The following PTPRT variants were observed in gnomAD, a reference collection of about 807,000 sequenced individuals.
PTPRT encodes protein tyrosine phosphatase receptor type T.
A neutral mutation model predicts 176.8 loss-of-function variants in PTPRT; 56 were observed. That is an observed-to-expected ratio of 0.32 (90% CI 0.26 to 0.40). The LOEUF (loss-of-function observed/expected upper bound fraction) is 0.40, where lower values mean the gene tolerates loss of function less well. PTPRT is among the 10% of genes least tolerant of loss of function. The pLI is 1.00. For synonymous variants in PTPRT, 783 were observed against 739.0 expected, an observed-to-expected ratio of 1.06 and a Z score of -0.96; for missense variants, 1,540 against 1,908.2, an observed-to-expected ratio of 0.81 and a Z score of 3.60.
intron 18 of PTPRT, among the ~76,000 whole-genome samples, chr20:42,133,523 C>T (rs1988229021): frequency 6.6e-6 from 1 of 152,098 alleles, no homozygotes; most frequent in African/African-American, 2.4e-5. Context: ...TCAGTAGTTT[C>T]CAGGGGCTTG....
Position 43,149,031 on chromosome 20 carries a change from A to G in PTPRT, c.88+40615T>C, listed in dbSNP as rs1479333126. ...GGGGGAAAGAAAAAAATCTAGATCC[A>G]TGTTCTGTTGGAATGCAGCTTGCTC... On this transcript the variant is annotated intron_variant, in intron 1 of 30. Transcript: ENST00000373187. 2.0e-5 allele frequency among the ~76,000 whole-genome samples: 3 copies of G among 152,228 alleles called. No homozygotes were observed. The East Asian group carries it at 5.8e-4, about 29-fold the overall frequency.
At chr20:43,045,273 T>C (rs1986784802) in intron 1 of PTPRT, among the ~76,000 whole-genome samples, 1 of 152,138 alleles carries the variant, frequency 6.6e-6, no homozygotes, top group African/African-American at 2.4e-5. Flanking sequence ...CTAAAATTCC[T>C]CCCTTCAGTT....
chr20:42,088,909 C>T (rs967939934), intron 27 of PTPRT, among the ~76,000 whole-genome samples: 1 of 152,168 alleles, frequency 6.6e-6, no homozygotes. Flanking sequence ...TGATTCATAC[C>T]ATTGTTGAAT....
At chr20:42,707,514 A>C (rs1199357376) in intron 6 of PTPRT, among the ~76,000 whole-genome samples, 1 of 152,192 alleles carries the variant, frequency 6.6e-6, no homozygotes, top group African/African-American at 2.4e-5. Flanking sequence ...GACAGGCTCC[A>C]TTTTTGGCTT....
intron 6 of PTPRT, among the ~76,000 whole-genome samples, chr20:42,738,510 GA>G (rs1236341660): frequency 1.2e-4 from 17 of 143,108 alleles, no homozygotes; most frequent in South Asian, 2.2e-4. Flanking sequence ...CTCTGTCTTA[GA>G]AAAAAAAAAA....
chr20:42,213,381 CT>C (rs2055692776), intron 15 of PTPRT, among the ~76,000 whole-genome samples: 1 of 149,480 alleles, frequency 6.7e-6, no homozygotes, highest in African/African-American at 2.4e-5. Context: ...TCCCTTTCCC[CT>C]CTCTGTGTAT....
chr20:42,060,793 C>T, the PTPRT span, among the ~76,000 whole-genome samples: 1 of 152,316 alleles, frequency 6.6e-6, no homozygotes, highest in East Asian at 1.9e-4. Context: ...CACTCTGTAA[C>T]CCTACCCTGT....
Position 43,075,285 on chromosome 20 carries a change from G to A in PTPRT, c.88+114361C>T, listed in dbSNP as rs560265646. Among the ~76,000 whole-genome samples the A allele has an allele frequency of 1.3e-4, 20 of 152,376 alleles. No homozygotes were observed. In the South Asian group the frequency reaches 2.9e-3, roughly 22 times the overall value. On this transcript the variant is annotated intron_variant, in intron 1 of 30. Coordinates refer to ENST00000373187, the MANE Select transcript of PTPRT (RefSeq NM_007050.6). ...GTAGCGTTGCATGGCAGCGTTTCAA[G>A]TGCATATGGCCTGTTTTATCTTTCT...
At position 42,780,226 on chromosome 20, in the gene PTPRT, T is replaced by C. The variant is rs527980358; in HGVS notation, c.560A>G (p.His187Arg). The change falls in exon 4 of 31, where the codon CAT becomes CGT. Residue 187 changes from histidine to arginine, a missense_variant. Physicochemically the swap from His to Arg is conservative, Grantham distance 29 (BLOSUM62 0). Around this residue, in one of 11 missense-constraint regions of PTPRT, gnomAD observed 273 missense variants for 432.1 expected, o/e 0.63. Transcript: ENST00000373187. ...IAVDEVRVLA[H>R]PCRKAPHFLR... ...GGAAGGGAAAGACTTACTGCATGGA[T>C]GAGCAAGGACCCGGACCTCGTCCAC... The C allele has an allele frequency of 3.7e-6, 6 of 1,613,508 alleles. No individual in the cohort carries two copies. The Admixed American group carries it at 1.0e-4, about 27-fold the overall frequency.
chr20:43,085,535 T>C (rs1235979177), intron 1 of PTPRT, among the ~76,000 whole-genome samples: 1 of 152,184 alleles, frequency 6.6e-6, no homozygotes, highest in Non-Finnish European at 1.5e-5. Flanking sequence ...AGAGGTTTAA[T>C]TGACTCACAG....
At chr20:43,129,849 A>G (rs1298484926) in intron 1 of PTPRT, among the ~76,000 whole-genome samples, 11 of 151,090 alleles carry the variant, frequency 7.3e-5, no homozygotes, top group Non-Finnish European at 1.6e-4. Context: ...CGATCTCCTG[A>G]CCTCGTGATC....
intron 2 of PTPRT, among the ~76,000 whole-genome samples, chr20:42,868,132 G>A (rs1271279840): frequency 2.6e-5 from 4 of 152,330 alleles, no homozygotes; most frequent in African/African-American, 9.6e-5. Context: ...AGACTTTAGA[G>A]ATTCATGCTG....
At chr20:42,841,577 C>T (rs1026477966) in intron 2 of PTPRT, among the ~76,000 whole-genome samples, 1 of 150,302 alleles carries the variant, frequency 6.7e-6, no homozygotes, top group African/African-American at 2.4e-5. Flanking sequence ...CAGTTTGCGT[C>T]AGGTTTGACA....
At chr20:42,502,489 C>A (rs2071769682) in intron 7 of PTPRT, among the ~76,000 whole-genome samples, 1 of 151,410 alleles carries the variant, frequency 6.6e-6, no homozygotes, top group South Asian at 2.1e-4. Context: ...ATATATTTTG[C>A]ACGTTTCTGA....
At chr20:42,048,438 G>GGTCATAAGAGGTGATAAAGCTTC in the PTPRT span, among the ~76,000 whole-genome samples, 1 of 152,236 alleles carries the variant, frequency 6.6e-6, no homozygotes, top group East Asian at 1.9e-4. Context: ...TCCAAAGCTT[G>GGTCATAAGAGGTGATAAAGCTTC]GTCATAAGAG....
rs16987377 is a variant in PTPRT at position 42,783,754 on chromosome 20, C to A, written c.487-3455G>T. 3.6e-3 allele frequency among the ~76,000 whole-genome samples: 549 copies of A among 152,244 alleles called. 5 individuals carry two copies. Among genetic ancestry groups the A allele is most frequent in the African/African-American group, 0.013 (522 of 41,550 alleles). On this transcript the variant is annotated intron_variant, in intron 3 of 30. Transcript: ENST00000373187. ...AAGCACACTCTCAAGAAAATTCAAC[C>A]ACGGCCCTTGAGGAATCAAAGTCAG...
chr20:42,924,906 G>A (rs1896349219), intron 1 of PTPRT, among the ~76,000 whole-genome samples: 1 of 152,216 alleles, frequency 6.6e-6, no homozygotes, highest in Admixed American at 6.5e-5. Context: ...CAGGGACTCT[G>A]ATTCAATAGT....
chr20:42,043,353 C>G, the PTPRT span, among the ~76,000 whole-genome samples: 1 of 152,204 alleles, frequency 6.6e-6, no homozygotes, highest in African/African-American at 2.4e-5. Context: ...AATGTTGGGT[C>G]CCTTCTTTCT....
chr20:42,084,953 G>T, intron 28 of PTPRT, 108 bp from the exon 29 acceptor site: 1 of 950,224 alleles, frequency 1.1e-6, no homozygotes, highest in East Asian at 3.1e-5. Flanking sequence ...AGACCAAATG[G>T]GATCTAAGCC....
Sources: allele counts gnomAD v4.1 joint callset (sites outside exome capture counted in the v4.1 genomes callset), GRCh38; gene constraint gnomAD v4.1.1; regional missense constraint gnomAD v4.1.1; transcripts MANE v1.5; gene names NCBI Gene and HGNC (gene_info 2026-07-23, HGNC 2026-07-21).